CDHR5: variants seen among roughly 807,000 people sequenced by gnomAD.
The protein encoded by CDHR5 is cadherin-related family member 5.
A neutral mutation model predicts 69.5 loss-of-function variants in CDHR5; 82 were observed. The observed-to-expected ratio is 1.18, with a 90% CI of 0.99 to 1.42. The LOEUF is 1.42. Ranked by LOEUF, CDHR5 falls within the 40% of genes most tolerant of loss-of-function variation. CDHR5 has a pLI of 0.00. For synonymous variants in CDHR5, 601 were observed against 510.2 expected (o/e 1.18, Z -2.40); for missense variants, 1,293 against 1,168.9 (o/e 1.11, Z -1.55).
Position 619,889 on chromosome 11 carries a change from C to CG in CDHR5, c.979-9dup. 6.5e-7 allele frequency: 1 copy of CG among 1,531,414 alleles called. No individual in the cohort carries two copies. The highest frequency in any genetic ancestry group is 8.8e-7 in the Non-Finnish European group (1 of 1,141,308). The allele number at this position is 1,531,414 out of a possible 1,614,324, so 94.9% of individuals were successfully genotyped here. ...AAGGTCGGCCTGTTGGCCCTGGAGG[C>CG]GGGGGAGGCAGCAGTGACTAGTGGG... On this transcript the variant is annotated splice_polypyrimidine_tract_variant and intron_variant, in intron 9 of 14. Coordinates refer to ENST00000397542, the MANE Select transcript of CDHR5 (RefSeq NM_021924.5).
Position 621,448 on chromosome 11 carries a change from C to T in CDHR5, c.515G>A (p.Ser172Asn), listed in dbSNP as rs1057193875. ...TACACTCACCAGGGAGAAGTAGTCACTGGCACCCTGGGGAGGGTCAGGGAG... is the reference window on the plus strand; with the variant it reads ...TACACTCACCAGGGAGAAGTAGTCATTGGCACCCTGGGGAGGGTCAGGGAG... ...YTLQEMTAGASDYFSLVSVNR... is the reference protein window; with the variant it reads ...YTLQEMTAGANDYFSLVSVNR... Residue 172 changes from serine to asparagine, a missense_variant, in exon 6 of 15, where the codon AGT becomes AAT. By Grantham distance (46) the Ser-to-Asn change is conservative (BLOSUM62 1). Coordinates refer to ENST00000397542, the MANE Select transcript of CDHR5 (RefSeq NM_021924.5). The surrounding 1 kb of genome is among the most constrained non-coding windows in gnomAD (Gnocchi z 4.4). The T allele has an allele frequency of 6.2e-7, 1 of 1,612,338 alleles. No homozygotes were observed. Among genetic ancestry groups the T allele is most frequent in the Non-Finnish European group, 8.5e-7 (1 of 1,179,360 alleles).
At chr11:620,674 C>T (rs544559556) in intron 7 of CDHR5, among the ~76,000 whole-genome samples, 179 of 152,292 alleles carry the variant, frequency 1.2e-3, no homozygotes, top group Admixed American at 3.8e-3. Context: ...GTGGGGGCTC[C>T]CGGGGTCTGC....
At position 619,791 on chromosome 11, in the gene CDHR5, T is replaced by C; in HGVS notation, c.1069A>G (p.Arg357Gly). 6.2e-7 allele frequency: 1 copy of C among 1,607,136 alleles called. No homozygotes were observed. Among genetic ancestry groups the C allele is most frequent in the Non-Finnish European group, 8.5e-7 (1 of 1,178,890 alleles). ...CGCGCCACGGTGCCACGATACAGTC[T>C]CTGGGGGAAGCGGGGCGGGCTCCCG... ...AAGSPPRFPQ[R>G]LYRGTVARGA... Residue 357 changes from arginine to glycine, a missense_variant, in exon 10 of 15, where the codon AGA (arginine) becomes GGA (glycine). By Grantham distance (125) the Arg-to-Gly change is moderately radical. Coordinates refer to ENST00000397542, the MANE Select transcript of CDHR5 (RefSeq NM_021924.5).
chr11:620,250 G>A, intron 8 of CDHR5, 46 bp downstream of exon 8: 1 of 1,584,486 alleles, frequency 6.3e-7, no homozygotes, highest in Non-Finnish European at 8.7e-7. Context: ...ATGGAGACAG[G>A]GACAGAGGGG....
In CDHR5 at chr11:617,346, G is replaced by T. The variant is rs1006973248; in HGVS notation, c.*5C>A. The T allele has an allele frequency of 1.4e-5, 22 of 1,585,230 alleles. No homozygotes were observed. The highest frequency in any genetic ancestry group is 1.8e-5 in the Non-Finnish European group (21 of 1,159,460). ...TGCGGCTGGGGGAGAGGGTGGAGGGGCCACTTAGATGTAGGAGTCATCACC... is the reference window on the plus strand; with the variant it reads ...TGCGGCTGGGGGAGAGGGTGGAGGGTCCACTTAGATGTAGGAGTCATCACC... On this transcript the variant is annotated 3_prime_UTR_variant, in exon 15 of 15. Transcript: ENST00000397542.
chr11:620,189 GC>G (rs765568095), intron 8 of CDHR5, 25 bp from the exon 9 acceptor site: 4 of 1,605,026 alleles, frequency 2.5e-6, no homozygotes, highest in Admixed American at 1.7e-5. Flanking sequence ...GAAGTGCTCA[GC>G]CCCGGCCCCC....
intron 9 of CDHR5, 52 bp from the exon 10 acceptor site, chr11:619,933 G>A (rs1460511188): frequency 1.4e-5 from 20 of 1,464,272 alleles, no homozygotes; most frequent in Non-Finnish European, 1.7e-5. Context: ...TGGAGCTGGC[G>A]CTGAAGGCTG....
At chr11:619,624 C>T (rs375167056) in intron 10 of CDHR5, 37 bp from the exon 11 acceptor site, 82 of 1,606,918 alleles carry the variant, frequency 5.1e-5, no homozygotes, top group South Asian at 6.6e-5. Context: ...GCCAGGCTGC[C>T]TCCCACGTAC....
chr11:623,169 C>T (rs1189974334), intron 3 of CDHR5, among the ~76,000 whole-genome samples: 2 of 152,050 alleles, frequency 1.3e-5, no homozygotes, highest in African/African-American at 4.8e-5. Flanking sequence ...ATTAGCCGGC[C>T]GTGGTGGCGC....
rs779814359 is a variant in CDHR5 at position 624,264 on chromosome 11, C to A, written c.262-1G>T. On this transcript the variant is annotated splice_acceptor_variant, in intron 2 of 14. Coordinates refer to ENST00000397542, the MANE Select transcript of CDHR5 (RefSeq NM_021924.5). LOFTEE classifies it high-confidence loss of function. This position sits in a 1 kb window ranked among gnomAD's most constrained non-coding sequence, Gnocchi z 5.3. ...GCTGAGCCTCAAGCAGTGACTTCTC[C>A]TGTGGATGTAGACAGGTCTGCAGTC... 1.3e-6 allele frequency: 1 copy of A among 769,868 alleles called. No homozygotes were observed. Among genetic ancestry groups the A allele is most frequent in the Non-Finnish European group, 2.4e-6 (1 of 413,504 alleles). The allele number at this position is 769,868 out of a possible 1,614,324, so 47.7% of individuals were successfully genotyped here.
rs767012296 is a variant in CDHR5, at chr11:624,346, G to A, written c.262-83C>T. On this transcript the variant is annotated intron_variant, in intron 2 of 14. Transcript: ENST00000397542. The surrounding 1 kb of genome is among the most constrained non-coding windows in gnomAD (Gnocchi z 5.3). ...GCCAAGTGGGCAGGCGCTGGCCCAG[G>A]GTCCCCATCATCAGTGGTCAGTGCT... 5 of 731,126 alleles carry A rather than the reference G, an allele frequency of 6.8e-6. No homozygotes were observed. Among genetic ancestry groups the A allele is most frequent in the Non-Finnish European group, 1.0e-5 (4 of 395,410 alleles). 45.3% of individuals were successfully genotyped at this position (731,126 alleles called of 1,614,324 possible).
Position 621,747 on chromosome 11 carries a change from C to T in CDHR5, c.405+65G>A, listed in dbSNP as rs962663644. The stretch of plus-strand genomic sequence containing the variant: ...TGGTTGAGCCCCCGGCCACCACTCA[C>T]CTCCTGCCCTCACCCTGGGCTCCCA... On this transcript the variant is annotated intron_variant, in intron 4 of 14. Coordinates refer to ENST00000397542, the MANE Select transcript of CDHR5 (RefSeq NM_021924.5). The surrounding 1 kb of genome is among the most constrained non-coding windows in gnomAD (Gnocchi z 4.4). 5.8e-6 allele frequency: 9 copies of T among 1,560,192 alleles called. No homozygotes were observed. Among genetic ancestry groups the T allele is most frequent in the Middle Eastern group, 1.7e-4 (1 of 5,892 alleles).
rs572219976 is a variant in CDHR5 at position 619,859 on chromosome 11, C to T, written c.1001G>A (p.Arg334His). 105 of 1,551,744 alleles carry T rather than the reference C, an allele frequency of 6.8e-5. No individual in the cohort carries two copies. In the African/African-American group the frequency reaches 1.1e-3, roughly 17 times the overall value. ...LVKGQQADLA[R>H]YSVTQVTVEA... ...CACGGTGACCTGGGTCACTGAGTAG[C>T]GGGCAAGGTCGGCCTGTTGGCCCTG... The change falls in exon 10 of 15, where the codon CGC becomes CAC. Residue 334 changes from arginine (R) to histidine (H), a missense_variant. Arg to His is a conservative substitution (Grantham distance 29, BLOSUM62 0). Coordinates refer to ENST00000397542, the MANE Select transcript of CDHR5 (RefSeq NM_021924.5).
At position 624,615 on chromosome 11, in the gene CDHR5, G is replaced by T. The variant is rs763947826; in HGVS notation, c.203C>A (p.Pro68His). ...GTTTCCCTGGATCCGAAATGCAAAG[G>T]GGGTGGACAAGGCTCCGAGGGTCAC... is the stretch of plus-strand genomic sequence containing the variant. ...QEVTLGALST[P>H]FAFRIQGNQL... The change falls in exon 2 of 15, where the codon CCC becomes CAC. Residue 68 changes from proline to histidine, a missense_variant. Physicochemically the swap from Pro to His is moderately conservative, Grantham distance 77. Transcript: ENST00000397542. The surrounding 1 kb of genome is among the most constrained non-coding windows in gnomAD (Gnocchi z 5.3). 13 of 1,612,858 alleles carry T rather than the reference G, an allele frequency of 8.1e-6. No individual in the cohort carries two copies. The East Asian group carries it at 2.2e-4, about 28-fold the overall frequency.
At position 624,097 on chromosome 11, in the gene CDHR5, G is replaced by T. The variant is rs910847344; in HGVS notation, c.312+116C>A. On this transcript the variant is annotated intron_variant, in intron 3 of 14. Transcript: ENST00000397542. The surrounding 1 kb of genome is among the most constrained non-coding windows in gnomAD (Gnocchi z 5.3). ...GGAAATGTGGGCATCACCCTCGGGGGGGTGGAATTTGAAACCACACCCTAG... is the reference window on the plus strand; with the variant it reads ...GGAAATGTGGGCATCACCCTCGGGGTGGTGGAATTTGAAACCACACCCTAG... 3 of 667,332 alleles carry T rather than the reference G, an allele frequency of 4.5e-6. No individual in the cohort carries two copies. The highest frequency in any genetic ancestry group is 2.1e-5 in the Admixed American group (1 of 47,424). 41.3% of individuals were successfully genotyped at this position (667,332 alleles called of 1,614,324 possible).
In CDHR5 at chr11:618,767, C is replaced by G; in HGVS notation, c.1792G>C (p.Gly598Arg). 1.9e-6 allele frequency: 3 copies of G among 1,603,728 alleles called. No homozygotes were observed. Among genetic ancestry groups the G allele is most frequent in the Non-Finnish European group, 2.5e-6 (3 of 1,177,508 alleles). ...TCTGGGGTCTGTGCTGTGCCCCCAC[C>G]GGGTGTGGCTGGTTGGTGGGAGGTG... is the stretch of plus-strand genomic sequence containing the variant. ...TSTSHQPATP[G>R]GGTAQTPEAG... The change falls in exon 13 of 15, where the codon GGT (glycine) becomes CGT (arginine). Residue 598 changes from glycine to arginine, a missense_variant. Physicochemically the swap from Gly to Arg is moderately radical, Grantham distance 125. Transcript: ENST00000397542.
Position 621,825 on chromosome 11 carries a change from A to C in CDHR5, c.392T>G (p.Ile131Arg), listed in dbSNP as rs1358506686. ...APEFPFKTKE[I>R]RVEEDTKVNS... Reference sequence around the variant, plus strand: ...CGCTGGCCTCACCTCCTCCACCCTTATCTCCTTGGTCTTAAAGGGGAATTC... The same window carrying C: ...CGCTGGCCTCACCTCCTCCACCCTTCTCTCCTTGGTCTTAAAGGGGAATTC... The change falls in exon 4 of 15, where the codon ATA becomes AGA. Residue 131 changes from isoleucine to arginine, a missense_variant. Ile to Arg is a moderately conservative substitution (Grantham distance 97, BLOSUM62 -3). Transcript: ENST00000397542. The surrounding 1 kb of genome is among the most constrained non-coding windows in gnomAD (Gnocchi z 4.4). 3.2e-5 allele frequency: 52 copies of C among 1,612,954 alleles called. No individual in the cohort carries two copies. Among genetic ancestry groups the C allele is most frequent in the Non-Finnish European group, 4.4e-5 (52 of 1,179,518 alleles).
chr11:624,832 A>G lies in CDHR5; in HGVS notation c.71T>C (p.Met24Thr), dbSNP rs1219185217. 2.5e-6 allele frequency: 4 copies of G among 1,607,288 alleles called. No individual in the cohort carries two copies. Among genetic ancestry groups the G allele is most frequent in the African/African-American group, 2.7e-5 (2 of 74,596 alleles). The stretch of plus-strand genomic sequence containing the variant: ...CCCGCACATACACTGGGCCTGGGCC[A>G]TGGTCCCCGGGGGTCGGACGAGCAG... ...TGLLVRPPGT[M>T]AQAQYCSVNK... Residue 24 changes from methionine to threonine, a missense_variant, in exon 1 of 15, where the codon ATG (methionine) becomes ACG (threonine). Coordinates refer to ENST00000397542, the MANE Select transcript of CDHR5 (RefSeq NM_021924.5). The surrounding 1 kb of genome is among the most constrained non-coding windows in gnomAD (Gnocchi z 5.3).
At position 620,341 on chromosome 11, in the gene CDHR5, C is replaced by T. The variant is rs751407345; in HGVS notation, c.835G>A (p.Gly279Arg). ...LRPGPIYAED[G>R]DRGINQPIIY... The stretch of plus-strand genomic sequence containing the variant: ...ATGGGCTGGTTGATGCCGCGGTCTC[C>T]GTCCTCAGCGTAGATGGGTCCGGGA... Residue 279 changes from glycine (G) to arginine (R), a missense_variant, in exon 8 of 15, where the codon GGA becomes AGA. Physicochemically the swap from Gly to Arg is moderately radical, Grantham distance 125. Coordinates refer to ENST00000397542, the MANE Select transcript of CDHR5 (RefSeq NM_021924.5). 5.6e-6 allele frequency: 9 copies of T among 1,612,668 alleles called. No homozygotes were observed. The highest frequency in any genetic ancestry group is 2.2e-5 in the East Asian group (1 of 44,870).
Sources: allele counts gnomAD v4.1 joint callset (sites outside exome capture counted in the v4.1 genomes callset), GRCh38; gene constraint gnomAD v4.1.1; non-coding constraint Gnocchi (gnomAD v3.1); transcripts MANE v1.5; gene names NCBI Gene and HGNC (gene_info 2026-07-23, HGNC 2026-07-21).